NRG1: variants seen among roughly 807,000 people sequenced by gnomAD.
NRG1 encodes neuregulin 1.
Under a neutral mutation model 63.8 loss-of-function variants are expected in NRG1, and 18 were observed. That is an observed-to-expected ratio of 0.28 (90% CI 0.19 to 0.42). The LOEUF is 0.42. NRG1 is among the 10% of genes least tolerant of loss of function. The pLI is 1.00. For synonymous variants in NRG1, 302 were observed against 301.3 expected (o/e 1.00, Z -0.02); for missense variants, 762 against 814.7 (o/e 0.94, Z 0.79).
At chr8:32,232,859 C>T (rs1380432903) in intron 1 of NRG1, among the ~76,000 whole-genome samples, 1 of 152,124 alleles carries the variant, frequency 6.6e-6, no homozygotes. Context: ...CTGGATTCTC[C>T]TGTAAAACTG....
At chr8:32,735,505 A>T (rs898181522) in intron 6 of NRG1, among the ~76,000 whole-genome samples, 2 of 152,182 alleles carry the variant, frequency 1.3e-5, no homozygotes. Flanking sequence ...TCACAGAATG[A>T]GGCTGGTGAA....
intron 1 of NRG1, among the ~76,000 whole-genome samples, chr8:32,253,831 G>A (rs904229555): frequency 6.6e-6 from 1 of 151,764 alleles, no homozygotes; most frequent in Non-Finnish European, 1.5e-5. Flanking sequence ...TGGGCTTTTC[G>A]ATTGGTAGGC....
chr8:31,773,625 C>G (rs550051676), intron 1 of NRG1, among the ~76,000 whole-genome samples: 1 of 152,160 alleles, frequency 6.6e-6, no homozygotes. Flanking sequence ...AAATATAATA[C>G]CCATCACAAA....
intron 5 of NRG1, among the ~76,000 whole-genome samples, chr8:32,684,856 G>A (rs76409070): frequency 6.6e-6 from 1 of 151,614 alleles, no homozygotes; most frequent in African/African-American, 2.4e-5. Context: ...ATATTTTCAG[G>A]AAAAAAAACG....
intron 1 of NRG1, among the ~76,000 whole-genome samples, chr8:32,013,727 A>G (rs935201035): frequency 6.6e-6 from 1 of 152,140 alleles, no homozygotes; most frequent in Admixed American, 6.6e-5. Context: ...AACTCACTAC[A>G]TTCTGTACAC....
rs531895937 is a variant in NRG1 at position 32,653,600 on chromosome 8, A to T, written c.502+36715A>T. Among the ~76,000 whole-genome samples the T allele has an allele frequency of 2.8e-4, 42 of 152,334 alleles. No homozygotes were observed. The South Asian group carries it at 8.3e-3, about 30-fold the overall frequency. On this transcript the variant is annotated intron_variant, in intron 5 of 11. Transcript: ENST00000356819. ...GGCCCTTTAGGAGCACCCTCTTAAG[A>T]TGAAAAATATATACATAATTCTTCT...
chr8:32,646,902 G>C (rs1005138494), intron 5 of NRG1: 3 of 985,042 alleles, frequency 3.0e-6, no homozygotes, highest in Middle Eastern at 1.0e-3. Context: ...GGTTGGGAGA[G>C]GGGGAGGAAA....
intron 2 of NRG1, among the ~76,000 whole-genome samples, chr8:32,598,988 T>A (rs1843842703): frequency 6.6e-6 from 1 of 152,066 alleles, no homozygotes; most frequent in African/African-American, 2.4e-5. Context: ...TTCCTGTAGA[T>A]CATAGTGGTA....
chr8:32,364,760 A>G (rs1807712853), intron 1 of NRG1, among the ~76,000 whole-genome samples: 1 of 152,060 alleles, frequency 6.6e-6, no homozygotes. Context: ...TGCCCCCTTT[A>G]AAGTTGTGCC....
intron 5 of NRG1, among the ~76,000 whole-genome samples, chr8:32,722,225 T>A (rs986472488): frequency 6.6e-6 from 1 of 152,194 alleles, no homozygotes; most frequent in Non-Finnish European, 1.5e-5. Flanking sequence ...GGAAACAGGA[T>A]CTAATGATTG....
chr8:32,718,437 C>T (rs1819792947), intron 5 of NRG1, among the ~76,000 whole-genome samples: 1 of 152,276 alleles, frequency 6.6e-6, no homozygotes, highest in South Asian at 2.1e-4. Context: ...ACTCTCACCT[C>T]CTTCACTAGT....
At chr8:32,241,909 G>C (rs7841840) in intron 1 of NRG1, among the ~76,000 whole-genome samples, 113,241 of 151,794 alleles carry the variant, frequency 0.75, 43,313 homozygotes, top group African/African-American at 0.91. Context: ...CAGGTCCCAG[G>C]TGCCCAGCTA....
intron 2 of NRG1, among the ~76,000 whole-genome samples, chr8:32,602,319 A>G (rs1844521370): frequency 6.6e-6 from 1 of 152,162 alleles, no homozygotes; most frequent in Non-Finnish European, 1.5e-5. Flanking sequence ...ATTCCAGGAA[A>G]CAGTGCCAAG....
intron 1 of NRG1, among the ~76,000 whole-genome samples, chr8:32,309,584 TG>T (rs1303741353): frequency 6.6e-6 from 1 of 152,214 alleles, no homozygotes; most frequent in African/African-American, 2.4e-5. Flanking sequence ...AAAGGAGGAT[TG>T]GGGGTGATCA....
At chr8:32,306,696 G>T (rs1856224701) in intron 1 of NRG1, among the ~76,000 whole-genome samples, 1 of 152,196 alleles carries the variant, frequency 6.6e-6, no homozygotes, top group Admixed American at 6.5e-5. Flanking sequence ...GTAGGACGAG[G>T]TTACTTTTTC....
chr8:32,372,266 G>C (rs936390915), intron 1 of NRG1, among the ~76,000 whole-genome samples: 1 of 151,694 alleles, frequency 6.6e-6, no homozygotes, highest in African/African-American at 2.4e-5. Context: ...CTGGGATTAC[G>C]GGTGTGACCC....
At chr8:31,923,867 C>A (rs2129619275) in intron 1 of NRG1, among the ~76,000 whole-genome samples, 1 of 152,162 alleles carries the variant, frequency 6.6e-6, no homozygotes, top group African/African-American at 2.4e-5. Flanking sequence ...ATCTCCCACC[C>A]CTCACCCCTC....
At chr8:32,537,684 A>G (rs973264290) in intron 1 of NRG1, among the ~76,000 whole-genome samples, 1 of 152,044 alleles carries the variant, frequency 6.6e-6, no homozygotes, top group African/African-American at 2.4e-5. Flanking sequence ...TACTTTCATG[A>G]GCTCATTTAA....
chr8:31,884,276 G>A (rs745755251), intron 1 of NRG1, among the ~76,000 whole-genome samples: 8 of 152,030 alleles, frequency 5.3e-5, no homozygotes, highest in Non-Finnish European at 7.4e-5. Context: ...CCTGGAGAGA[G>A]TAATACCTAA....
Sources: allele counts gnomAD v4.1 joint callset (sites outside exome capture counted in the v4.1 genomes callset), GRCh38; gene constraint gnomAD v4.1.1; transcripts MANE v1.5; gene names NCBI Gene and HGNC (gene_info 2026-07-23, HGNC 2026-07-21).